TBC1D5: variants seen among roughly 807,000 people sequenced by gnomAD.
The protein encoded by TBC1D5 is TBC1 domain family member 5.
Under a neutral mutation model 100.3 loss-of-function variants are expected in TBC1D5, and 75 were observed. The ratio of observed to expected loss-of-function variants is 0.75; its 90% CI spans 0.62 to 0.91. The LOEUF is 0.91. Among genes scored for constraint, TBC1D5 ranks in the 40% least tolerant of loss-of-function variants. The pLI, the probability that TBC1D5 is intolerant of heterozygous loss-of-function variation, is 0.00. For synonymous variants in TBC1D5, 323 were observed against 325.6 expected, an observed-to-expected ratio of 0.99 and a Z score of 0.09; for missense variants, 910 against 942.4, an observed-to-expected ratio of 0.97 and a Z score of 0.45.
At chr3:17,530,231 G>A (rs1485578274) in intron 2 of TBC1D5, among the ~76,000 whole-genome samples, 3 of 137,096 alleles carry the variant, frequency 2.2e-5, no homozygotes, top group African/African-American at 5.7e-5. Flanking sequence ...GCGACAGAGC[G>A]AGACTTCGTC....
chr3:17,618,941 G>C (rs1658582416), intron 2 of TBC1D5, among the ~76,000 whole-genome samples: 1 of 152,178 alleles, frequency 6.6e-6, no homozygotes, highest in African/African-American at 2.4e-5. Flanking sequence ...AGATGAACCA[G>C]GTACCTCAGT....
intron 3 of TBC1D5, among the ~76,000 whole-genome samples, chr3:17,474,156 A>G (rs1485104240): frequency 6.6e-6 from 1 of 152,182 alleles, no homozygotes; most frequent in African/African-American, 2.4e-5. Context: ...GCACTCATCC[A>G]AAGTCAGTTA....
chr3:17,227,177 G>A (rs2074981975), intron 17 of TBC1D5, among the ~76,000 whole-genome samples: 1 of 152,140 alleles, frequency 6.6e-6, no homozygotes, highest in African/African-American at 2.4e-5. Context: ...GTCCAATCTT[G>A]TCTCAGACAA....
In TBC1D5 at chr3:17,512,978, A is replaced by G. The variant is rs116299608; in HGVS notation, c.-35-4373T>C. 3.5e-3 allele frequency among the ~76,000 whole-genome samples: 529 copies of G among 152,328 alleles called. 4 individuals carry two copies. Among genetic ancestry groups the G allele is most frequent in the African/African-American group, 0.012 (514 of 41,574 alleles). ...AATAAAAGGGTAAGCGTTCAGCACT[A>G]AAGCTTAGAAGGCAGTTTTAAACTA... is the stretch of plus-strand genomic sequence containing the variant. On this transcript the variant is annotated intron_variant, in intron 2 of 21. Coordinates refer to ENST00000253692, the Ensembl canonical transcript of TBC1D5.
chr3:17,247,117 T>C (rs1458669158), intron 16 of TBC1D5, among the ~76,000 whole-genome samples: 1 of 152,190 alleles, frequency 6.6e-6, no homozygotes, highest in Non-Finnish European at 1.5e-5. Flanking sequence ...ATTCCATGCC[T>C]ACATGACTGA....
intron 3 of TBC1D5, among the ~76,000 whole-genome samples, chr3:17,492,228 C>T (rs1056853507): frequency 6.6e-6 from 1 of 151,998 alleles, no homozygotes; most frequent in African/African-American, 2.4e-5. Context: ...TTTCAAAAAA[C>T]CAGCTCCTGG....
chr3:17,261,515 C>T (rs1378128025), intron 15 of TBC1D5, among the ~76,000 whole-genome samples: 1 of 152,018 alleles, frequency 6.6e-6, no homozygotes, highest in Non-Finnish European at 1.5e-5. Flanking sequence ...ATTCTGTCGC[C>T]CAGGCTGGAG....
chr3:17,310,305 G>A (rs2150604256), intron 13 of TBC1D5, among the ~76,000 whole-genome samples: 1 of 152,098 alleles, frequency 6.6e-6, no homozygotes, highest in Non-Finnish European at 1.5e-5. Context: ...GTGTCAAATT[G>A]TTCACATATT....
At position 17,297,421 on chromosome 3, in the gene TBC1D5, A is replaced by C. The variant is rs184570921; in HGVS notation, c.1139-5420T>G. 1.2e-3 allele frequency among the ~76,000 whole-genome samples: 180 copies of C among 152,138 alleles called. 1 individual carries two copies. Among genetic ancestry groups the C allele is most frequent in the African/African-American group, 4.0e-3 (165 of 41,514 alleles). ...AAAATCCTGTCTCTACTAAAAATAC[A>C]AAAAAAGAGCTGGGCATGGTGGTGG... On this transcript the variant is annotated intron_variant, in intron 14 of 21. Coordinates refer to ENST00000253692, the Ensembl canonical transcript of TBC1D5.
intron 3 of TBC1D5, among the ~76,000 whole-genome samples, chr3:17,447,504 C>T (rs770354582): frequency 6.6e-6 from 1 of 152,132 alleles, no homozygotes; most frequent in Non-Finnish European, 1.5e-5. Context: ...GGGAAAAAAA[C>T]AGAAAGATAC....
At chr3:17,604,012 T>C (rs564425260) in intron 2 of TBC1D5, among the ~76,000 whole-genome samples, 1 of 152,322 alleles carries the variant, frequency 6.6e-6, no homozygotes, top group South Asian at 2.1e-4. Context: ...AATTCCTTCC[T>C]TCATGAAGCC....
chr3:17,587,768 C>A (rs996930755), intron 2 of TBC1D5, among the ~76,000 whole-genome samples: 19 of 151,950 alleles, frequency 1.3e-4, no homozygotes, highest in African/African-American at 4.6e-4. Flanking sequence ...CTGCTCCTTG[C>A]AGAGTGCTAT....
chr3:17,467,883 G>C (rs527543149), intron 3 of TBC1D5, among the ~76,000 whole-genome samples: 1 of 152,252 alleles, frequency 6.6e-6, no homozygotes, highest in South Asian at 2.1e-4. Flanking sequence ...GGAAACGGGA[G>C]TTCCCTAGTT....
chr3:17,694,937 A>G (rs2071777267), intron 1 of TBC1D5, among the ~76,000 whole-genome samples: 1 of 152,228 alleles, frequency 6.6e-6, no homozygotes, highest in South Asian at 2.1e-4. Context: ...AGTGGGGGCC[A>G]ATATTCAACA....
At chr3:17,739,091 A>G (rs777243136) in intron 1 of TBC1D5, among the ~76,000 whole-genome samples, 4 of 152,030 alleles carry the variant, frequency 2.6e-5, no homozygotes, top group Admixed American at 6.6e-5. Flanking sequence ...CCCCTCTCCC[A>G]GCTCTTCCAC....
intron 19 of TBC1D5, among the ~76,000 whole-genome samples, chr3:17,170,085 A>C (rs1450515013): frequency 2.6e-5 from 4 of 152,222 alleles, no homozygotes; most frequent in African/African-American, 9.6e-5. Context: ...GCCACGGGCC[A>C]GTACTGGTGC....
chr3:17,583,866 T>C (rs973044888), intron 2 of TBC1D5, among the ~76,000 whole-genome samples: 3 of 152,152 alleles, frequency 2.0e-5, no homozygotes, highest in African/African-American at 7.2e-5. Context: ...TACATACCCA[T>C]ATGAACAGAG....
At chr3:17,251,929 T>C (rs1470909379) in intron 16 of TBC1D5, among the ~76,000 whole-genome samples, 2 of 152,212 alleles carry the variant, frequency 1.3e-5, no homozygotes, top group Non-Finnish European at 2.9e-5. Context: ...ATCTAACTTA[T>C]TTAAGAATCT....
intron 17 of TBC1D5, among the ~76,000 whole-genome samples, chr3:17,229,709 C>T (rs916840585): frequency 2.0e-5 from 3 of 152,090 alleles, no homozygotes; most frequent in African/African-American, 7.2e-5. Context: ...GTAACTTCCC[C>T]AGGTCATCCA....
Sources: gnomAD v4.1 joint callset for allele counts (sites outside exome capture counted in the v4.1 genomes callset) on GRCh38, gnomAD v4.1.1 for gene constraint, MANE v1.5 for transcripts, NCBI Gene and HGNC (gene_info 2026-07-23, HGNC 2026-07-21) for gene names.